The following MAPKAP1 variants were observed in gnomAD, a reference collection of about 807,000 sequenced individuals.
The protein encoded by MAPKAP1 is MAPK associated protein 1.
MAPKAP1 carries 20 observed loss-of-function variants against 65.7 expected under a neutral mutation model. The observed-to-expected ratio is 0.30, with a 90% CI of 0.21 to 0.44. The LOEUF (loss-of-function observed/expected upper bound fraction) is 0.44. Ranked by LOEUF, MAPKAP1 falls within the 20% of genes least tolerant of loss-of-function variation. The pLI, the probability that MAPKAP1 is intolerant of heterozygous loss-of-function variation, is 1.00. For missense variants in MAPKAP1, 423 were observed against 648.0 expected (o/e 0.65, Z 3.77); for synonymous variants, 222 against 244.3 (o/e 0.91, Z 0.85).
chr9:125,507,268 T>G (rs572013404), intron 7 of MAPKAP1, among the ~76,000 whole-genome samples: 1 of 152,180 alleles, frequency 6.6e-6, no homozygotes, highest in Non-Finnish European at 1.5e-5. Flanking sequence ...ACATAACGGG[T>G]CCAATGATCA....
intron 1 of MAPKAP1, among the ~76,000 whole-genome samples, chr9:125,682,075 T>C (rs1336918694): frequency 7.3e-6 from 1 of 137,484 alleles, no homozygotes; most frequent in Non-Finnish European, 1.7e-5. Flanking sequence ...ATGTTTGTTT[T>C]AACAGGAAAA....
At chr9:125,577,095 A>G (rs1831433524) in intron 5 of MAPKAP1, among the ~76,000 whole-genome samples, 1 of 148,974 alleles carries the variant, frequency 6.7e-6, no homozygotes, top group Non-Finnish European at 1.5e-5. Context: ...CCCGGCCGCC[A>G]TCCCATCTAG....
intron 1 of MAPKAP1, among the ~76,000 whole-genome samples, chr9:125,678,361 G>C (rs548884273): frequency 8.7e-4 from 132 of 152,024 alleles, no homozygotes; most frequent in African/African-American, 3.0e-3. Flanking sequence ...TCCTGCCTCA[G>C]CCTCCTGAGT....
At chr9:125,588,265 C>T (rs959345638) in intron 4 of MAPKAP1, among the ~76,000 whole-genome samples, 4 of 152,048 alleles carry the variant, frequency 2.6e-5, no homozygotes, top group Non-Finnish European at 5.9e-5. Flanking sequence ...CATGGGTGTA[C>T]CATGAAAACA....
intron 3 of MAPKAP1, among the ~76,000 whole-genome samples, chr9:125,659,891 C>T (rs1411421161): frequency 2.6e-5 from 4 of 152,278 alleles, no homozygotes; most frequent in South Asian, 2.1e-4. Flanking sequence ...ACCAAAGCAG[C>T]TTTTATCGAG....
At chr9:125,620,404 G>A (rs1226664292) in intron 4 of MAPKAP1, among the ~76,000 whole-genome samples, 1 of 152,192 alleles carries the variant, frequency 6.6e-6, no homozygotes, top group African/African-American at 2.4e-5. Context: ...GTCTTACATT[G>A]CTGGTAGGAG....
intron 9 of MAPKAP1, among the ~76,000 whole-genome samples, chr9:125,474,427 G>A (rs1854032568): frequency 6.6e-6 from 1 of 152,182 alleles, no homozygotes; most frequent in Non-Finnish European, 1.5e-5. Context: ...AAATTTGGAG[G>A]CCCTGATTAT....
chr9:125,620,833 T>C (rs1185263605), intron 4 of MAPKAP1, among the ~76,000 whole-genome samples: 2 of 152,122 alleles, frequency 1.3e-5, no homozygotes, highest in Non-Finnish European at 2.9e-5. Context: ...CTAGAAGATA[T>C]ACAACCTAGT....
At chr9:125,442,228 G>A (rs776420306) in intron 11 of MAPKAP1, among the ~76,000 whole-genome samples, 37 of 151,584 alleles carry the variant, frequency 2.4e-4, no homozygotes, top group Non-Finnish European at 4.4e-4. Context: ...ATCAGGCCTA[G>A]GGTATGCTAC....
At chr9:125,668,266 G>C (rs1301142912) in intron 3 of MAPKAP1, among the ~76,000 whole-genome samples, 1 of 152,158 alleles carries the variant, frequency 6.6e-6, no homozygotes, top group Non-Finnish European at 1.5e-5. Context: ...TCCATGTTGG[G>C]TAACTTTGGC....
intron 3 of MAPKAP1, among the ~76,000 whole-genome samples, chr9:125,661,739 A>C (rs973870166): frequency 1.3e-5 from 2 of 152,208 alleles, no homozygotes; most frequent in Admixed American, 6.5e-5. Context: ...TCTGACTTTG[A>C]AGCCATGTCA....
chr9:125,575,178 C>A (rs1293871471), intron 5 of MAPKAP1, among the ~76,000 whole-genome samples: 1 of 152,036 alleles, frequency 6.6e-6, no homozygotes, highest in Non-Finnish European at 1.5e-5. Context: ...AAAGCTCTTG[C>A]AAAAAATTTG....
chr9:125,657,808 C>G lies in MAPKAP1; in HGVS notation c.350-9G>C. 2 of 1,610,408 alleles carry G rather than the reference C, an allele frequency of 1.2e-6. No individual in the cohort carries two copies. The highest frequency in any genetic ancestry group is 2.2e-5 in the East Asian group (1 of 44,840). On this transcript the variant is annotated splice_polypyrimidine_tract_variant and intron_variant, in intron 3 of 11. Transcript: ENST00000265960. ...TGACTTTAACTCCTGGGCTGTGATA[C>G]AAGAGGAAGAAAAACATCTTTGTGA... is the stretch of plus-strand genomic sequence containing the variant.
At chr9:125,606,750 G>A (rs1832450360) in intron 4 of MAPKAP1, among the ~76,000 whole-genome samples, 1 of 152,260 alleles carries the variant, frequency 6.6e-6, no homozygotes, top group African/African-American at 2.4e-5. Context: ...AGAGACAAAA[G>A]CACAAAAGGT....
At chr9:125,472,909 T>G (rs1243390459) in intron 9 of MAPKAP1, among the ~76,000 whole-genome samples, 1 of 152,160 alleles carries the variant, frequency 6.6e-6, no homozygotes, top group Non-Finnish European at 1.5e-5. Context: ...TCACGAAAAA[T>G]AAAAACAAAC....
chr9:125,602,200 C>T (rs1393720516), intron 4 of MAPKAP1, among the ~76,000 whole-genome samples: 1 of 152,126 alleles, frequency 6.6e-6, no homozygotes, highest in East Asian at 1.9e-4. Flanking sequence ...CTACAATGAG[C>T]CGTGATCACA....
chr9:125,501,242 C>T (rs991332064), intron 8 of MAPKAP1, among the ~76,000 whole-genome samples: 2 of 152,176 alleles, frequency 1.3e-5, no homozygotes, highest in African/African-American at 4.8e-5. Context: ...CCACTATTAA[C>T]ATTTTCTTTC....
At position 125,707,136 on chromosome 9, in the gene MAPKAP1, G is replaced by C. The variant is rs1835790238; in HGVS notation, c.-235C>G. The C allele has an allele frequency of 1.3e-5, 5 of 398,160 alleles. No individual in the cohort carries two copies. The highest frequency in any genetic ancestry group is 2.2e-5 in the Non-Finnish European group (5 of 225,814). 24.7% of individuals were successfully genotyped at this position (398,160 alleles called of 1,614,324 possible). On this transcript the variant is annotated 5_prime_UTR_variant, in exon 1 of 12. Coordinates refer to ENST00000265960, the MANE Select transcript of MAPKAP1 (RefSeq NM_001006617.3). ...CGCTCAGCTGCCGCTTCCCGGGTTA[G>C]CCCTCATGCCCCTGCTGCTCGCCGC...
chr9:125,542,997 C>G, intron 7 of MAPKAP1, 62 bp downstream of exon 7: 2 of 1,090,912 alleles, frequency 1.8e-6, no homozygotes, highest in Non-Finnish European at 2.8e-6. Flanking sequence ...CACACACCCC[C>G]TATGCCCTTT....
Sources: gnomAD v4.1 joint callset for allele counts (sites outside exome capture counted in the v4.1 genomes callset) on GRCh38, gnomAD v4.1.1 for gene constraint, MANE v1.5 for transcripts, NCBI Gene and HGNC (gene_info 2026-07-23, HGNC 2026-07-21) for gene names.